Variants in TBC1D1 observed in about 807,000 individuals in gnomAD.
TBC1D1 encodes TBC1 (tre-2/USP6, BUB2, cdc16) domain family, member 1.
A neutral mutation model predicts 125.6 loss-of-function variants in TBC1D1; 89 were observed. The ratio of observed to expected loss-of-function variants is 0.71; its 90% confidence interval spans 0.60 to 0.85. TBC1D1 has a LOEUF of 0.85. Among genes scored for constraint, TBC1D1 ranks in the 40% least tolerant of loss-of-function variants. The pLI is 0.00. For missense variants in TBC1D1, 1,377 were observed against 1,469.2 expected, an observed-to-expected ratio of 0.94 and a Z score of 1.03; for synonymous variants, 565 against 564.1, an observed-to-expected ratio of 1.00 and a Z score of -0.02.
chr4:38,112,049 G>A (rs1230924441), intron 15 of TBC1D1: 1 of 985,320 alleles, frequency 1.0e-6, no homozygotes, highest in Non-Finnish European at 1.2e-6. Context: ...TCTGCATAAA[G>A]AAAATCAATG....
At chr4:38,070,120 A>G (rs1326415073) in intron 12 of TBC1D1, among the ~76,000 whole-genome samples, 2 of 152,202 alleles carry the variant, frequency 1.3e-5, no homozygotes, top group African/African-American at 4.8e-5. Context: ...GAATCAGGAC[A>G]ATGAAAGTAA....
chr4:37,911,505 G>C (rs746660002), intron 2 of TBC1D1, among the ~76,000 whole-genome samples: 2 of 152,126 alleles, frequency 1.3e-5, no homozygotes, highest in African/African-American at 2.4e-5. Flanking sequence ...AGGTGGACTT[G>C]AGTGTGGTTG....
intron 2 of TBC1D1, among the ~76,000 whole-genome samples, chr4:38,012,518 G>T (rs183886371): frequency 6.6e-6 from 1 of 152,142 alleles, no homozygotes; most frequent in African/African-American, 2.4e-5. Flanking sequence ...CAAGCAATCC[G>T]CCTGCCTTGG....
chr4:38,014,723 G>GCCGCCCCCCCCCCCCCCCCCCC lies in TBC1D1; in HGVS notation c.634_635insGCCCCCCCCCCCCCCCCCCCCC (p.Pro212ArgfsTer43). On this transcript the variant is annotated frameshift_variant, in exon 3 of 20. Coordinates refer to ENST00000261439, the MANE Select transcript of TBC1D1 (RefSeq NM_015173.4). LOFTEE classifies it high-confidence loss of function. The surrounding 1 kb of genome is among the most constrained non-coding windows in gnomAD (Gnocchi z 5.1). The stretch of plus-strand genomic sequence containing the variant: ...GTCAGCGGCAGCCGGGGGTCCGAGA[G>GCCGCCCCCCCCCCCCCCCCCCC]CCCCCGCCCCAACCCGCCCCATGCC... The GCCGCCCCCCCCCCCCCCCCCCC allele has an allele frequency of 6.2e-7, 1 of 1,600,232 alleles. No homozygotes were observed. Among genetic ancestry groups the GCCGCCCCCCCCCCCCCCCCCCC allele is most frequent in the Non-Finnish European group, 8.6e-7 (1 of 1,169,376 alleles).
intron 8 of TBC1D1, among the ~76,000 whole-genome samples, chr4:38,041,705 G>A (rs1378721562): frequency 6.6e-6 from 1 of 152,206 alleles, no homozygotes; most frequent in Non-Finnish European, 1.5e-5. Flanking sequence ...ACAGAAGGAT[G>A]TGTACAGTAT....
chr4:37,982,184 G>A (rs367786502), intron 2 of TBC1D1, among the ~76,000 whole-genome samples: 16 of 152,280 alleles, frequency 1.1e-4, no homozygotes, highest in African/African-American at 3.9e-4. Context: ...GTGCCGGTAG[G>A]CGGTAGGAGT....
At chr4:37,924,682 A>C (rs1309845650) in intron 2 of TBC1D1, among the ~76,000 whole-genome samples, 2 of 152,160 alleles carry the variant, frequency 1.3e-5, no homozygotes, top group South Asian at 4.1e-4. Flanking sequence ...GGGCTTGTCT[A>C]TGTTTTAGCA....
At chr4:37,953,730 C>T (rs13121101) in intron 2 of TBC1D1, among the ~76,000 whole-genome samples, 94,553 of 152,024 alleles carry the variant, frequency 0.62, 30,228 homozygotes, top group East Asian at 0.95. Flanking sequence ...ACATGAGCCA[C>T]GCCTGGGAGA....
intron 7 of TBC1D1, among the ~76,000 whole-genome samples, chr4:38,032,573 G>A (rs916409188): frequency 6.6e-6 from 1 of 152,072 alleles, no homozygotes; most frequent in African/African-American, 2.4e-5. Flanking sequence ...AGTGGCTCAC[G>A]CCTGTAATCC....
intron 8 of TBC1D1, among the ~76,000 whole-genome samples, chr4:38,040,460 T>G (rs1251830537): frequency 6.6e-6 from 1 of 152,162 alleles, no homozygotes; most frequent in Non-Finnish European, 1.5e-5. Flanking sequence ...AGCTAATTTT[T>G]GTATATTTAG....
At chr4:37,891,537 C>A (rs1001420659) in intron 1 of TBC1D1, among the ~76,000 whole-genome samples, 189 bp downstream of exon 1, 1 of 127,838 alleles carries the variant, frequency 7.8e-6, no homozygotes, top group Non-Finnish European at 1.7e-5. Context: ...CCCCCCTTAC[C>A]CCCCCACCCC....
At position 37,940,649 on chromosome 4, in the gene TBC1D1, T is replaced by C. The variant is rs1050406865; in HGVS notation, c.417+38137T>C. On this transcript the variant is annotated intron_variant, in intron 2 of 19. Coordinates refer to ENST00000261439, the MANE Select transcript of TBC1D1 (RefSeq NM_015173.4). ...AGTTTTTGCCCATTCAGTATGCTAT[T>C]GGCTGTGAGTTTGTCATAGATAGCT... Among the ~76,000 whole-genome samples the C allele has an allele frequency of 2.0e-5, 3 of 152,224 alleles. No individual in the cohort carries two copies. The East Asian group carries it at 5.8e-4, about 29-fold the overall frequency.
chr4:38,109,559 C>T (rs1379679667), intron 15 of TBC1D1, among the ~76,000 whole-genome samples: 1 of 152,142 alleles, frequency 6.6e-6, no homozygotes, highest in African/African-American at 2.4e-5. Context: ...ACTAGTCCTC[C>T]CACACCCCAT....
At chr4:38,057,143 A>G (rs17425670) in intron 12 of TBC1D1, among the ~76,000 whole-genome samples, 24,872 of 152,048 alleles carry the variant, frequency 0.16, 2,213 homozygotes, top group Non-Finnish European at 0.19. Context: ...GAAGATGTCT[A>G]GAGACCCCTG....
chr4:37,894,711 G>A (rs1446700206), intron 1 of TBC1D1, among the ~76,000 whole-genome samples: 1 of 152,112 alleles, frequency 6.6e-6, no homozygotes, highest in Non-Finnish European at 1.5e-5. Context: ...CTATTATTAT[G>A]TTTATTTATT....
chr4:37,893,758 G>A lies in TBC1D1; in HGVS notation c.-94+2410G>A, dbSNP rs544975230. 4.6e-5 allele frequency among the ~76,000 whole-genome samples: 7 copies of A among 152,282 alleles called. No homozygotes were observed. In the South Asian group the frequency reaches 6.2e-4, roughly 14 times the overall value. On this transcript the variant is annotated intron_variant, in intron 1 of 19. Transcript: ENST00000261439. ...GGAGAATCGCTTGAAGCCAGGAGGC[G>A]GAGGTTGCAGTGAAACATGATCGTG...
rs1211354525 is a variant in TBC1D1, at chr4:38,137,523, G to C, written c.*188G>C. ...GGGGGCATGTCCCAGTGTTTTTTTTGTTGTTTTTAGATACTAAATCGTCCC... is the reference window on the plus strand; with the variant it reads ...GGGGGCATGTCCCAGTGTTTTTTTTCTTGTTTTTAGATACTAAATCGTCCC... On this transcript the variant is annotated 3_prime_UTR_variant, in exon 20 of 20. Coordinates refer to ENST00000261439, the MANE Select transcript of TBC1D1 (RefSeq NM_015173.4). 6.2e-6 allele frequency: 5 copies of C among 803,518 alleles called. No homozygotes were observed. The Admixed American group carries it at 1.6e-4, about 25-fold the overall frequency. The allele number at this position is 803,518 out of a possible 1,614,324, so 49.8% of individuals were successfully genotyped here.
At chr4:37,970,006 G>A (rs1037130101) in intron 2 of TBC1D1, among the ~76,000 whole-genome samples, 1 of 152,200 alleles carries the variant, frequency 6.6e-6, no homozygotes, top group Non-Finnish European at 1.5e-5. Flanking sequence ...ACAGTATGCA[G>A]TCTTTTGTAA....
chr4:37,998,488 T>G (rs1175488786), intron 2 of TBC1D1, among the ~76,000 whole-genome samples: 1 of 152,154 alleles, frequency 6.6e-6, no homozygotes, highest in Non-Finnish European at 1.5e-5. Context: ...GTCCTGGGCC[T>G]CCTCCACACC....
Sources: gnomAD v4.1 joint callset for allele counts (sites outside exome capture counted in the v4.1 genomes callset) on GRCh38, gnomAD v4.1.1 for gene constraint, Gnocchi (gnomAD v3.1) non-coding constraint, MANE v1.5 for transcripts, NCBI Gene and HGNC (gene_info 2026-07-23, HGNC 2026-07-21) for gene names.